LUZP1: variants seen among roughly 807,000 people sequenced by gnomAD.
LUZP1 encodes leucine zipper protein 1.
A neutral mutation model predicts 71.3 loss-of-function variants in LUZP1; 25 were observed. That is an observed-to-expected ratio of 0.35 (90% confidence interval 0.26 to 0.49). The LOEUF is 0.49. LUZP1 is among the 20% of genes least tolerant of loss of function. LUZP1 has a pLI of 0.99. For synonymous variants in LUZP1, 481 were observed against 506.4 expected, an observed-to-expected ratio of 0.95 and a Z score of 0.67; for missense variants, 1,142 against 1,300.8, an observed-to-expected ratio of 0.88 and a Z score of 1.88.
chr1:23,133,374 G>A (rs902816165), intron 2 of LUZP1: 1 of 152,166 alleles, frequency 6.6e-6, no homozygotes, highest in Non-Finnish European at 1.5e-5. Flanking sequence ...CATTTGGTTG[G>A]AAAATAGGAT....
At chr1:23,128,487 TATTA>T (rs1482123230) in intron 2 of LUZP1, among the ~76,000 whole-genome samples, 1 of 152,234 alleles carries the variant, frequency 6.6e-6, no homozygotes, top group African/African-American at 2.4e-5. Context: ...TGTTATACAA[TATTA>T]ATTATTAGTG....
chr1:23,092,449 A>G (rs747533935), exon 4 of LUZP1: 1 of 1,614,184 alleles, frequency 6.2e-7, no homozygotes. Flanking sequence ...CTATAAGGAT[A>G]CTTCGATAGA....
At chr1:23,166,855 C>G (rs1644513908) in intron 2 of LUZP1, among the ~76,000 whole-genome samples, 1 of 152,128 alleles carries the variant, frequency 6.6e-6, no homozygotes, top group Non-Finnish European at 1.5e-5. Context: ...TAACAATCCG[C>G]ATTATTAATC....
intron 1 of LUZP1, among the ~76,000 whole-genome samples, chr1:23,176,617 T>C (rs779735069): frequency 2.6e-5 from 4 of 152,070 alleles, no homozygotes; most frequent in Non-Finnish European, 4.4e-5. Context: ...TCCGACCTTA[T>C]AGTGAGATGT....
chr1:23,158,965 G>T (rs191186012), intron 2 of LUZP1, among the ~76,000 whole-genome samples: 4 of 151,786 alleles, frequency 2.6e-5, no homozygotes, highest in Non-Finnish European at 5.9e-5. Context: ...AGATGGGTTG[G>T]GGGTAAGAGA....
chr1:23,161,271 T>C (rs976448574), intron 2 of LUZP1, among the ~76,000 whole-genome samples: 12 of 152,230 alleles, frequency 7.9e-5, no homozygotes, highest in South Asian at 4.1e-4. Flanking sequence ...ATAGGTGCTA[T>C]GAAAGGAGGC....
At chr1:23,166,058 A>G (rs1477122219) in intron 2 of LUZP1, among the ~76,000 whole-genome samples, 2 of 151,914 alleles carry the variant, frequency 1.3e-5, no homozygotes, top group Non-Finnish European at 2.9e-5. Flanking sequence ...CAAAAAAAAA[A>G]AAAAAAAGAA....
chr1:23,124,764 C>G (rs1041476198), intron 2 of LUZP1, among the ~76,000 whole-genome samples: 5 of 152,134 alleles, frequency 3.3e-5, no homozygotes, highest in African/African-American at 7.2e-5. Context: ...GATGGCTCCA[C>G]TGAAGGAATC....
At chr1:23,105,520 C>T (rs1643973314) in intron 3 of LUZP1, among the ~76,000 whole-genome samples, 1 of 152,140 alleles carries the variant, frequency 6.6e-6, no homozygotes, top group African/African-American at 2.4e-5. Flanking sequence ...TGCTTCAATA[C>T]CTATAAGGTT....
chr1:23,123,231 C>G (rs1291706097), intron 2 of LUZP1, among the ~76,000 whole-genome samples: 1 of 152,134 alleles, frequency 6.6e-6, no homozygotes, highest in African/African-American at 2.4e-5. Flanking sequence ...CGGTGGCTCA[C>G]CCCTGTAATC....
intron 2 of LUZP1, among the ~76,000 whole-genome samples, chr1:23,159,712 C>T (rs906528155): frequency 6.6e-6 from 1 of 152,208 alleles, no homozygotes; most frequent in Admixed American, 6.5e-5. Context: ...ACGCCAGACG[C>T]GGTGGCTCAT....
intron 3 of LUZP1, among the ~76,000 whole-genome samples, chr1:23,096,144 A>C (rs1345988424): frequency 1.4e-5 from 2 of 141,472 alleles, no homozygotes; most frequent in Non-Finnish European, 3.1e-5. Flanking sequence ...AAAAAAAAAA[A>C]CAGGAGAAAG....
At chr1:23,167,987 C>T (rs1310874280) in intron 2 of LUZP1, among the ~76,000 whole-genome samples, 1 of 151,646 alleles carries the variant, frequency 6.6e-6, no homozygotes, top group Non-Finnish European at 1.5e-5. Flanking sequence ...GCCGGCGTCC[C>T]CCTGCAGATT....
intron 1 of LUZP1, among the ~76,000 whole-genome samples, chr1:23,174,895 C>T (rs747066898): frequency 1.3e-5 from 2 of 152,158 alleles, no homozygotes; most frequent in Non-Finnish European, 2.9e-5. Context: ...TTCCTTTCCT[C>T]CCTCATGTTT....
At chr1:23,150,285 G>T (rs1644374039) in intron 2 of LUZP1, among the ~76,000 whole-genome samples, 2 of 152,206 alleles carry the variant, frequency 1.3e-5, no homozygotes, top group Non-Finnish European at 1.5e-5. Flanking sequence ...CAGATGGTAA[G>T]GACTTTTTGA....
At chr1:23,163,723 C>T (rs1277329769) in intron 2 of LUZP1, among the ~76,000 whole-genome samples, 2 of 152,118 alleles carry the variant, frequency 1.3e-5, no homozygotes, top group Non-Finnish European at 2.9e-5. Flanking sequence ...TGTTGTGGCT[C>T]ATATTTTAAT....
intron 2 of LUZP1, among the ~76,000 whole-genome samples, chr1:23,112,210 A>G (rs1644040366): frequency 6.6e-6 from 1 of 152,204 alleles, no homozygotes; most frequent in African/African-American, 2.4e-5. Flanking sequence ...TGTCCCCAAA[A>G]CAAGAGGATG....
chr1:23,087,970 AGTGACTAAAGGG>A (rs776715170), exon 5 of LUZP1: 25 of 152,592 alleles, frequency 1.6e-4, no homozygotes, highest in Non-Finnish European at 2.8e-4. Flanking sequence ...TTGCTTGTGG[AGTGACTAAAGGG>A]GTCTGCTTTC....
At chr1:23,174,929 TTTCA>T (rs138531275) in intron 1 of LUZP1, among the ~76,000 whole-genome samples, 192 of 152,168 alleles carry the variant, frequency 1.3e-3, no homozygotes, top group African/African-American at 1.8e-3. Flanking sequence ...ACTACATGCA[TTTCA>T]TTCATTCATT....
Sources: gnomAD v4.1 joint callset for allele counts (sites outside exome capture counted in the v4.1 genomes callset) on GRCh38, gnomAD v4.1.1 for gene constraint, MANE v1.5 for transcripts, NCBI Gene and HGNC (gene_info 2026-07-23, HGNC 2026-07-21) for gene names.